Variants in DDX52 observed in about 807,000 individuals in gnomAD.
DDX52 encodes probable ATP-dependent RNA helicase DDX52.
Under a neutral mutation model 76.1 loss-of-function variants are expected in DDX52, and 59 were observed. That is an observed-to-expected ratio of 0.78 (90% CI 0.63 to 0.96). DDX52 has a LOEUF of 0.96. Ranked by LOEUF, DDX52 falls within the 40% of genes least tolerant of loss-of-function variation. DDX52 has a pLI of 0.00. For synonymous variants in DDX52, 231 were observed against 244.1 expected, an observed-to-expected ratio of 0.95 and a Z score of 0.50; for missense variants, 707 against 703.9, an observed-to-expected ratio of 1.00 and a Z score of -0.05.
intron 2 of DDX52, among the ~76,000 whole-genome samples, chr17:37,641,467 G>A (rs1329322056): frequency 1.3e-5 from 2 of 152,110 alleles, no homozygotes; most frequent in African/African-American, 2.4e-5. Flanking sequence ...GGCAGGGCGC[G>A]GTGGTTCAGG....
chr17:37,625,006 C>G (rs2030292019), intron 8 of DDX52, among the ~76,000 whole-genome samples: 1 of 151,462 alleles, frequency 6.6e-6, no homozygotes, highest in African/African-American at 2.4e-5. Flanking sequence ...TTCTGCTTTC[C>G]TGTTTTTTTT....
At chr17:37,617,527 T>A (rs2029875967) in intron 14 of DDX52, among the ~76,000 whole-genome samples, 1 of 152,236 alleles carries the variant, frequency 6.6e-6, no homozygotes, top group Non-Finnish European at 1.5e-5. Flanking sequence ...TACTTTAATA[T>A]TCTCATAAAA....
chr17:37,643,015 A>G, intron 1 of DDX52: 2 of 257,178 alleles, frequency 7.8e-6, no homozygotes, highest in Non-Finnish European at 1.5e-5. Flanking sequence ...CTGTTTTCGA[A>G]ATTCCTTTCC....
At chr17:37,625,194 T>C (rs1048547945) in intron 8 of DDX52, among the ~76,000 whole-genome samples, 3 of 152,114 alleles carry the variant, frequency 2.0e-5, no homozygotes, top group South Asian at 2.1e-4. Flanking sequence ...GGTTTCGCCA[T>C]GTTGGTCAGG....
chr17:37,628,259 C>G (rs946181612), intron 6 of DDX52, among the ~76,000 whole-genome samples: 5 of 152,142 alleles, frequency 3.3e-5, no homozygotes, highest in African/African-American at 1.2e-4. Context: ...TGGCTATAGG[C>G]TAGTAACTAC....
rs201012708 is a variant in DDX52, at chr17:37,630,019, A to G, written c.747+11T>C. 1.8e-5 allele frequency: 29 copies of G among 1,601,162 alleles called. No individual in the cohort carries two copies. In the African/African-American group the frequency reaches 2.8e-4, roughly 16 times the overall value. On this transcript the variant is annotated intron_variant, in intron 5 of 14. Coordinates refer to ENST00000617633, the MANE Select transcript of DDX52 (RefSeq NM_007010.5). ...ACCAATCGCATACTCTTCAAAAGCTACAAGTCATACCTGGCTGGCAAGTTC... is the reference window on the plus strand; with the variant it reads ...ACCAATCGCATACTCTTCAAAAGCTGCAAGTCATACCTGGCTGGCAAGTTC...
intron 7 of DDX52, 59 bp from the exon 8 acceptor site, chr17:37,626,157 A>T (rs571950577): frequency 3.8e-6 from 6 of 1,578,668 alleles, no homozygotes; most frequent in Non-Finnish European, 5.2e-6. Flanking sequence ...ACACTTCACT[A>T]AACTGTGGGG....
Position 37,623,701 on chromosome 17 carries a change from T to C in DDX52, c.1227+643A>G, listed in dbSNP as rs1275223115. Among the ~76,000 whole-genome samples the C allele has an allele frequency of 2.6e-5, 4 of 152,182 alleles. No homozygotes were observed. The East Asian group carries it at 7.7e-4, about 29-fold the overall frequency. ...ATTTCTTCTATAAGGCTCAACCAATTTGGCTCACCCTGGTGGCCCCATTAT... is the reference window on the plus strand; with the variant it reads ...ATTTCTTCTATAAGGCTCAACCAATCTGGCTCACCCTGGTGGCCCCATTAT... On this transcript the variant is annotated intron_variant, in intron 9 of 14. Transcript: ENST00000617633.
chr17:37,622,633 T>C (rs953259243), intron 9 of DDX52, among the ~76,000 whole-genome samples: 3 of 152,154 alleles, frequency 2.0e-5, no homozygotes, highest in Non-Finnish European at 4.4e-5. Flanking sequence ...AACATCTCTT[T>C]TGGAATCTAA....
chr17:37,631,644 A>G (rs1318422275), intron 4 of DDX52: 3 of 159,882 alleles, frequency 1.9e-5, no homozygotes, highest in Admixed American at 6.0e-5. Flanking sequence ...AATAAAAAGT[A>G]TTCGGAAAAA....
rs768079813 is a variant in DDX52 at position 37,630,180 on chromosome 17, A to G, written c.604-7T>C. On this transcript the variant is annotated splice_region_variant and splice_polypyrimidine_tract_variant and intron_variant, in intron 4 of 14. Coordinates refer to ENST00000617633, the MANE Select transcript of DDX52 (RefSeq NM_007010.5). ...AAGCCAGAAGTTCCCGACCCTAAAA[A>G]CATAGGGTATATTAAATACTACAAA... 4 of 1,601,436 alleles carry G rather than the reference A, an allele frequency of 2.5e-6. No homozygotes were observed. The highest frequency in any genetic ancestry group is 2.6e-6 in the Non-Finnish European group (3 of 1,176,198).
chr17:37,633,940 C>CTTTT (rs557054736), intron 2 of DDX52, among the ~76,000 whole-genome samples: 44 of 130,014 alleles, frequency 3.4e-4, no homozygotes, highest in Middle Eastern at 3.5e-3. Context: ...AATTTCTTTC[C>CTTTT]TTTTTTTTTT....
At chr17:37,633,609 T>A (rs2030789312) in intron 2 of DDX52, among the ~76,000 whole-genome samples, 191 bp from the exon 3 acceptor site, 1 of 149,760 alleles carries the variant, frequency 6.7e-6, no homozygotes, top group Non-Finnish European at 1.5e-5. Flanking sequence ...ACAGCTGTGA[T>A]CATGCCACTG....
Position 37,624,404 on chromosome 17 carries a change from C to T in DDX52, c.1167G>A (p.Glu389=), listed in dbSNP as rs779205705. ...CGGTCTCAGATCCAACAAAGAGAAGCTCTTGTTCTACAGTTTCTACTGCAG... is the reference window on the plus strand; with the variant it reads ...CGGTCTCAGATCCAACAAAGAGAAGTTCTTGTTCTACAGTTTCTACTGCAG... ...RNSAVETVEQ[E]LLFVGSETGK... The change falls in exon 9 of 15, where the codon GAG becomes GAA. Residue 389 remains glutamate (E), a synonymous_variant. Coordinates refer to ENST00000617633, the MANE Select transcript of DDX52 (RefSeq NM_007010.5). The T allele has an allele frequency of 1.9e-6, 3 of 1,606,810 alleles. No homozygotes were observed. The South Asian group carries it at 3.3e-5, about 18-fold the overall frequency.
intron 14 of DDX52, among the ~76,000 whole-genome samples, chr17:37,617,604 T>C (rs748948858): frequency 1.3e-5 from 2 of 152,366 alleles, no homozygotes; most frequent in African/African-American, 2.4e-5. Flanking sequence ...TGCATCTGCG[T>C]AAGCCTGAGA....
Position 37,614,180 on chromosome 17 carries a change from G to A in DDX52, c.*116C>T, listed in dbSNP as rs1555807865. On this transcript the variant is annotated 3_prime_UTR_variant, in exon 15 of 15. Transcript: ENST00000617633. The stretch of plus-strand genomic sequence containing the variant: ...TTATCACCAGTCCCATGTACTTGTA[G>A]TTGATTTCAAATGTTTGGTACAGGT... 9.3e-7 allele frequency: 1 copy of A among 1,072,742 alleles called. No homozygotes were observed. The highest frequency in any genetic ancestry group is 1.3e-6 in the Non-Finnish European group (1 of 749,486). The allele number at this position is 1,072,742 out of a possible 1,614,324, so 66.5% of individuals were successfully genotyped here.
chr17:37,641,979 T>TA (rs1411089452), intron 2 of DDX52, 131 bp downstream of exon 2: 3 of 1,092,440 alleles, frequency 2.7e-6, no homozygotes, highest in Non-Finnish European at 4.0e-6. Context: ...TAATGACAAA[T>TA]ACCTGGAAAC....
intron 8 of DDX52, 53 bp from the exon 9 acceptor site, chr17:37,624,487 C>T: frequency 7.1e-7 from 1 of 1,404,386 alleles, no homozygotes; most frequent in Non-Finnish European, 9.6e-7. Context: ...TGCTTTTTCC[C>T]CTGAACTCTA....
At chr17:37,640,234 C>T (rs1028141617) in intron 2 of DDX52, among the ~76,000 whole-genome samples, 4 of 152,178 alleles carry the variant, frequency 2.6e-5, no homozygotes, top group Admixed American at 2.6e-4. Flanking sequence ...TGAAAACAAA[C>T]TATAATTATC....
Sources: gnomAD v4.1 joint callset for allele counts (sites outside exome capture counted in the v4.1 genomes callset) on GRCh38, gnomAD v4.1.1 for gene constraint, MANE v1.5 for transcripts, NCBI Gene and HGNC (gene_info 2026-07-23, HGNC 2026-07-21) for gene names.